The following ANLN variants were observed in gnomAD, a reference collection of about 807,000 sequenced individuals.
ANLN encodes the protein anillin, actin binding protein, also known as anillin.
ANLN carries 59 observed loss-of-function variants against 135.1 expected under a neutral mutation model. The ratio of observed to expected loss-of-function variants is 0.44; its 90% confidence interval spans 0.35 to 0.54. The LOEUF (loss-of-function observed/expected upper bound fraction) is 0.54. Among genes scored for constraint, ANLN ranks in the 20% least tolerant of loss-of-function variants. The pLI, the probability that ANLN is intolerant of heterozygous loss-of-function variation, is 0.00. For missense variants in ANLN, 1,182 were observed against 1,340.0 expected (o/e 0.88, Z 1.84); for synonymous variants, 406 against 456.4 (o/e 0.89, Z 1.41).
intron 7 of ANLN, 137 bp downstream of exon 7, chr7:36,411,303 CT>C (rs1381364372): frequency 2.5e-5 from 16 of 645,334 alleles, no homozygotes; most frequent in Non-Finnish European, 4.0e-5. Flanking sequence ...TTATAAATCC[CT>C]TAAATGTGTG....
At chr7:36,414,164 G>A (rs746192679) in intron 7 of ANLN, among the ~76,000 whole-genome samples, 23 of 152,178 alleles carry the variant, frequency 1.5e-4, no homozygotes, top group African/African-American at 3.9e-4. Flanking sequence ...TGAGGGTGGC[G>A]TGCAGGTGGT....
intron 20 of ANLN, among the ~76,000 whole-genome samples, chr7:36,432,622 C>A (rs1172961105): frequency 6.6e-6 from 1 of 152,152 alleles, no homozygotes; most frequent in Non-Finnish European, 1.5e-5. Flanking sequence ...AAAACGTTTG[C>A]CAACTCGTAG....
intron 7 of ANLN, among the ~76,000 whole-genome samples, 200 bp from the exon 8 acceptor site, chr7:36,415,558 A>G (rs749691604): frequency 3.3e-5 from 5 of 152,120 alleles, no homozygotes; most frequent in Non-Finnish European, 7.3e-5. Flanking sequence ...CATACTGAGA[A>G]TTACCAAGAA....
intron 20 of ANLN, among the ~76,000 whole-genome samples, chr7:36,434,816 A>G (rs2116745623): frequency 6.6e-6 from 1 of 152,336 alleles, no homozygotes; most frequent in African/African-American, 2.4e-5. Flanking sequence ...CAGTGAGCCA[A>G]GATTGTGCCA....
At chr7:36,421,670 C>A (rs1390120325) in intron 12 of ANLN, among the ~76,000 whole-genome samples, 187 bp from the exon 13 acceptor site, 1 of 152,096 alleles carries the variant, frequency 6.6e-6, no homozygotes, top group Admixed American at 6.5e-5. Context: ...ATATTTATAG[C>A]TTAATTATTG....
In ANLN at chr7:36,422,164, T is replaced by C. The variant is rs538752127; in HGVS notation, c.2299+172T>C. 5.9e-5 allele frequency among the ~76,000 whole-genome samples: 9 copies of C among 152,320 alleles called. 1 individual carries two copies. Among genetic ancestry groups the C allele is most frequent in the Admixed American group, 3.9e-4 (6 of 15,296 alleles). ...GTTTAAGAACTCTATGTAAAACAAA[T>C]TGTAGTTTGCATGAAAGGTAGAAGC... On this transcript the variant is annotated intron_variant, in intron 13 of 23. Transcript: ENST00000265748.
intron 2 of ANLN, among the ~76,000 whole-genome samples, chr7:36,396,927 A>G (rs1309794537): frequency 6.6e-6 from 1 of 152,170 alleles, no homozygotes; most frequent in Non-Finnish European, 1.5e-5. Flanking sequence ...GGAATTAAAC[A>G]CAAGCACACA....
intron 10 of ANLN, 142 bp from the exon 11 acceptor site, chr7:36,420,027 C>G: frequency 1.3e-6 from 1 of 764,416 alleles, no homozygotes; most frequent in Non-Finnish European, 2.0e-6. Context: ...GTGTTAGGAA[C>G]TTAGTTTGCT....
Position 36,390,196 on chromosome 7 carries a change from CG to C in ANLN, c.18+154del, listed in dbSNP as rs1469619571. On this transcript the variant is annotated intron_variant, in intron 1 of 23. Coordinates refer to ENST00000265748, the MANE Select transcript of ANLN (RefSeq NM_018685.5). The stretch of plus-strand genomic sequence containing the variant: ...GTGCGGGCCGGGGTCGCCGCGGCTG[CG>C]GCCTGCTGTGGTTGGTGGGTTCCTC... 9.1e-6 allele frequency: 12 copies of C among 1,318,068 alleles called. No homozygotes were observed. In the East Asian group the frequency reaches 3.0e-4, roughly 33 times the overall value. The allele number at this position is 1,318,068 out of a possible 1,614,324, so 81.6% of individuals were successfully genotyped here.
intron 20 of ANLN, among the ~76,000 whole-genome samples, chr7:36,429,258 T>TC (rs1208472285): frequency 6.6e-6 from 1 of 152,170 alleles, no homozygotes; most frequent in Admixed American, 6.5e-5. Context: ...TCTCACTCTG[T>TC]CACCCAAGCT....
intron 11 of ANLN, 122 bp downstream of exon 11, chr7:36,420,436 CTT>C (rs1360600733): frequency 2.2e-6 from 3 of 1,366,264 alleles, no homozygotes; most frequent in Non-Finnish European, 3.0e-6. Context: ...TTTGGAATAA[CTT>C]TTGTTAGCCT....
At chr7:36,420,091 G>T in intron 10 of ANLN, 78 bp from the exon 11 acceptor site, 1 of 1,394,596 alleles carries the variant, frequency 7.2e-7, no homozygotes, top group South Asian at 1.5e-5. Flanking sequence ...AATATTAATG[G>T]AGAATTCATT....
At chr7:36,420,093 G>T (rs1052970094) in intron 10 of ANLN, 76 bp from the exon 11 acceptor site, 3 of 1,403,882 alleles carry the variant, frequency 2.1e-6, no homozygotes, top group East Asian at 2.4e-5. Flanking sequence ...TATTAATGGA[G>T]AATTCATTGA....
chr7:36,413,028 G>T (rs1313416319), intron 7 of ANLN, among the ~76,000 whole-genome samples: 1 of 151,900 alleles, frequency 6.6e-6, no homozygotes, highest in African/African-American at 2.4e-5. Flanking sequence ...TGTGAATGTT[G>T]TAAGTTTGCA....
Position 36,406,079 on chromosome 7 carries a change from C to G in ANLN, c.488-102C>G, listed in dbSNP as rs192746776. On this transcript the variant is annotated intron_variant, in intron 3 of 23. Transcript: ENST00000265748. The stretch of plus-strand genomic sequence containing the variant: ...TAGAACTTTTCACTGGTTCTTAAAC[C>G]TATTAATCTCATTTAAAAATTCAGC... The G allele has an allele frequency of 2.8e-3, 3,215 of 1,136,528 alleles. 12 individuals carry two copies. Among genetic ancestry groups the G allele is most frequent in the Non-Finnish European group, 3.6e-3 (2,971 of 827,562 alleles). 70.4% of individuals were successfully genotyped at this position (1,136,528 alleles called of 1,614,324 possible). A position where few individuals can be genotyped will look rare whatever the true frequency, so the allele number is the denominator to read the frequency against.
In ANLN at chr7:36,406,335, T is replaced by G. The variant is rs760132700; in HGVS notation, c.642T>G (p.Asp214Glu). 1.2e-6 allele frequency: 2 copies of G among 1,614,110 alleles called. No individual in the cohort carries two copies. Among genetic ancestry groups the G allele is most frequent in the African/African-American group, 2.7e-5 (2 of 74,950 alleles). ...NLAATICSWE[D>E]DVNHSFAKQN... ...CTGCAACTATTTGCTCCTGGGAAGATGATGTAAATCACTCATTTGCAAAAC... is the reference window on the plus strand; with the variant it reads ...CTGCAACTATTTGCTCCTGGGAAGAGGATGTAAATCACTCATTTGCAAAAC... The change falls in exon 4 of 24, where the codon GAT becomes GAG. Residue 214 changes from aspartate to glutamate, a missense_variant. Physicochemically the swap from Asp to Glu is conservative, Grantham distance 45 (BLOSUM62 2). Around this residue, in one of 3 missense-constraint regions of ANLN, gnomAD observed 1,022 missense variants for 1,134.0 expected, o/e 0.90. Transcript: ENST00000265748.
At chr7:36,403,829 T>C (rs1787071552) in intron 3 of ANLN, among the ~76,000 whole-genome samples, 1 of 152,150 alleles carries the variant, frequency 6.6e-6, no homozygotes, top group Non-Finnish European at 1.5e-5. Context: ...TTTGCATTTT[T>C]TGTAGATGTT....
intron 23 of ANLN, among the ~76,000 whole-genome samples, chr7:36,451,444 C>T (rs760143331): frequency 6.6e-6 from 1 of 152,190 alleles, no homozygotes; most frequent in Non-Finnish European, 1.5e-5. Context: ...CATGGCAGGT[C>T]ACTTAACTTT....
chr7:36,400,887 C>T (rs1239953973), intron 3 of ANLN, among the ~76,000 whole-genome samples: 1 of 152,016 alleles, frequency 6.6e-6, no homozygotes, highest in Non-Finnish European at 1.5e-5. Context: ...TTAGGTAATT[C>T]TGATGCATAG....
Sources: allele counts gnomAD v4.1 joint callset (sites outside exome capture counted in the v4.1 genomes callset), GRCh38; gene constraint gnomAD v4.1.1; regional missense constraint gnomAD v4.1.1; transcripts MANE v1.5; gene names NCBI Gene and HGNC (gene_info 2026-07-23, HGNC 2026-07-21).